The following STAU1 variants were observed in gnomAD, a reference collection of about 807,000 sequenced individuals.
STAU1 encodes double-stranded RNA-binding protein Staufen homolog 1.
Under a neutral mutation model 62.9 loss-of-function variants are expected in STAU1, and 13 were observed. The ratio of observed to expected loss-of-function variants is 0.21; its 90% CI spans 0.13 to 0.33. The LOEUF is 0.33. Among genes scored for constraint, STAU1 ranks in the 10% least tolerant of loss-of-function variants. The pLI is 1.00. For synonymous variants in STAU1, 269 were observed against 265.1 expected, an observed-to-expected ratio of 1.01 and a Z score of -0.14; for missense variants, 571 against 712.1, an observed-to-expected ratio of 0.80 and a Z score of 2.25.
At chr20:49,201,091 G>GA in the STAU1 span, among the ~76,000 whole-genome samples, 1 of 92,610 alleles carries the variant, frequency 1.1e-5, no homozygotes, top group Non-Finnish European at 2.4e-5. Context: ...AAGAAGAAAA[G>GA]AAAAGAAAAG....
At chr20:49,133,518 T>C (rs2092800574) in intron 6 of STAU1, among the ~76,000 whole-genome samples, 1 of 152,170 alleles carries the variant, frequency 6.6e-6, no homozygotes, top group South Asian at 2.1e-4. Flanking sequence ...GGAGACCTCA[T>C]GACTCCTTGG....
intron 1 of STAU1, 60 bp downstream of exon 1, chr20:49,188,056 C>G (rs989970929): frequency 2.0e-5 from 3 of 151,480 alleles, no homozygotes; most frequent in Admixed American, 2.0e-4. Flanking sequence ...CCGCCCACCT[C>G]CCCACCGCGG....
intron 3 of STAU1, among the ~76,000 whole-genome samples, chr20:49,162,773 CT>C (rs1250095471): frequency 1.5e-5 from 2 of 133,706 alleles, no homozygotes; most frequent in African/African-American, 2.8e-5. Context: ...GAGACTCCGT[CT>C]CAAAAAAAAA....
rs146279801 is a variant in STAU1 at position 49,184,496 on chromosome 20, C to T, written c.-160+3620G>A. On this transcript the variant is annotated intron_variant, in intron 1 of 13. Coordinates refer to ENST00000371856, the MANE Select transcript of STAU1 (RefSeq NM_017453.4). ...GGAAATCAAGAGTACCCAGAGAAAACCCATGCAGGGATAGGGAGAACGTGT... is the reference window on the plus strand; with the variant it reads ...GGAAATCAAGAGTACCCAGAGAAAATCCATGCAGGGATAGGGAGAACGTGT... Among the ~76,000 whole-genome samples the T allele has an allele frequency of 2.9e-4, 44 of 152,198 alleles. No individual in the cohort carries two copies. In the East Asian group the frequency reaches 5.8e-3, roughly 20 times the overall value.
chr20:49,114,024 G>A lies in STAU1; in HGVS notation c.*854C>T, dbSNP rs559542177. 6.6e-6 allele frequency: 1 copy of A among 152,548 alleles called. No homozygotes were observed. Among genetic ancestry groups the A allele is most frequent in the East Asian group, 1.9e-4 (1 of 5,188 alleles). 9.4% of individuals were successfully genotyped at this position (152,548 alleles called of 1,614,324 possible). On this transcript the variant is annotated 3_prime_UTR_variant, in exon 14 of 14. Coordinates refer to ENST00000371856, the MANE Select transcript of STAU1 (RefSeq NM_017453.4). ...TAAATTGTCCAATTTATACAACTGT[G>A]GGAGACTTATTCAAGGTTTTTGAAA... is the stretch of plus-strand genomic sequence containing the variant.
chr20:49,195,512 G>GGC, the STAU1 span, among the ~76,000 whole-genome samples: 5 of 115,738 alleles, frequency 4.3e-5, no homozygotes, highest in Non-Finnish European at 6.7e-5. Flanking sequence ...CTCCAGCCTG[G>GGC]GCGACAGAGC....
At position 49,117,270 on chromosome 20, in the gene STAU1, A is replaced by G. The variant is rs377122507; in HGVS notation, c.1510-22T>C. 201 of 1,613,366 alleles carry G rather than the reference A, an allele frequency of 1.2e-4. No homozygotes were observed. In the African/African-American group the frequency reaches 2.6e-3, roughly 21 times the overall value. ...CAACCTAAGGGGGAAAAGAGAGCTG[A>G]GGCTAGGTAGGGAACAGCAAGTATG... On this transcript the variant is annotated intron_variant, in intron 11 of 13. Transcript: ENST00000371856. The surrounding 1 kb of genome is among the most constrained non-coding windows in gnomAD (Gnocchi z 4.6).
the STAU1 span, among the ~76,000 whole-genome samples, chr20:49,207,746 G>A: frequency 1.3e-4 from 19 of 151,606 alleles, no homozygotes; most frequent in African/African-American, 4.6e-4. Context: ...GGTCTCAAAC[G>A]GCTGACCTCG....
At chr20:49,177,569 C>T (rs910661846) in intron 1 of STAU1, among the ~76,000 whole-genome samples, 1 of 151,984 alleles carries the variant, frequency 6.6e-6, no homozygotes, top group African/African-American at 2.4e-5. Context: ...GTCTCAGCTA[C>T]TCGGGAGGCT....
chr20:49,164,779 A>C (rs953254779), intron 3 of STAU1, among the ~76,000 whole-genome samples: 3 of 152,158 alleles, frequency 2.0e-5, no homozygotes, highest in African/African-American at 7.2e-5. Flanking sequence ...ACGAGAGATA[A>C]GAAAGGAAAG....
At chr20:49,179,486 G>T (rs953022661) in intron 1 of STAU1, among the ~76,000 whole-genome samples, 1 of 152,158 alleles carries the variant, frequency 6.6e-6, no homozygotes, top group Non-Finnish European at 1.5e-5. Flanking sequence ...TCTAGGTAAA[G>T]GGTCATGGAG....
At chr20:49,116,437 C>T (rs999195892) in intron 12 of STAU1, among the ~76,000 whole-genome samples, 6 of 152,172 alleles carry the variant, frequency 3.9e-5, no homozygotes, top group Admixed American at 3.9e-4. Context: ...CGGGTTCAAG[C>T]GATTCTCCTG....
rs778192711 is a variant in STAU1, at chr20:49,166,054, G to C, written c.148C>G (p.Pro50Ala). Residue 50 changes from proline (P) to alanine (A), a missense_variant, in exon 3 of 14, where the codon CCC (proline) becomes GCC (alanine). Pro to Ala is a conservative substitution (Grantham distance 27, BLOSUM62 -1). Coordinates refer to ENST00000371856, the MANE Select transcript of STAU1 (RefSeq NM_017453.4). ...GAGGGTAAAGCAGAGTTTTGAATGGGTCTACCTGCATTTTCAGAGGGCAGA... is the reference window on the plus strand; with the variant it reads ...GAGGGTAAAGCAGAGTTTTGAATGGCTCTACCTGCATTTTCAGAGGGCAGA... ...SSLPSENAGR[P>A]IQNSALPSAS... The C allele has an allele frequency of 7.4e-5, 119 of 1,614,062 alleles. No homozygotes were observed. The highest frequency in any genetic ancestry group is 1.3e-5 in the Non-Finnish European group (15 of 1,180,042).
rs1187220036 is a variant in STAU1 at position 49,114,100 on chromosome 20, A to C, written c.*778T>G. The C allele has an allele frequency of 2.6e-5, 4 of 152,614 alleles. No homozygotes were observed. Among genetic ancestry groups the C allele is most frequent in the Non-Finnish European group, 5.9e-5 (4 of 68,042 alleles). The allele number at this position is 152,614 out of a possible 1,614,324, so 9.5% of individuals were successfully genotyped here. A position where few individuals can be genotyped will look rare whatever the true frequency, so the allele number is the denominator to read the frequency against. On this transcript the variant is annotated 3_prime_UTR_variant, in exon 14 of 14. Transcript: ENST00000371856. ...GAGGGCACACAATTTGCATCACTGA[A>C]ACTGTCCTGGGTTAGTCAATGAAAT...
In STAU1 at chr20:49,153,926, C is replaced by T; in HGVS notation, c.344+7G>A. ...TTTTACAAAAAAAAAAAAAAAAAAA[C>T]ACATACCTCGGGGGATAAGCACCTC... is the stretch of plus-strand genomic sequence containing the variant. On this transcript the variant is annotated splice_region_variant and intron_variant, in intron 4 of 13. Transcript: ENST00000371856. 2.6e-6 allele frequency: 3 copies of T among 1,132,666 alleles called. No homozygotes were observed. Among genetic ancestry groups the T allele is most frequent in the Non-Finnish European group, 3.5e-6 (3 of 862,730 alleles). 70.2% of individuals were successfully genotyped at this position (1,132,666 alleles called of 1,614,324 possible). A position where few individuals can be genotyped will look rare whatever the true frequency, so the allele number is the denominator to read the frequency against.
At chr20:49,129,390 C>T (rs1031502633) in intron 6 of STAU1, among the ~76,000 whole-genome samples, 2 of 139,524 alleles carry the variant, frequency 1.4e-5, no homozygotes, top group Non-Finnish European at 1.5e-5. Context: ...TGGGTTCAAG[C>T]GTTTCTCCTC....
chr20:49,188,443 G>T (rs1452981423), upstream of STAU1: 1 of 120,006 alleles, frequency 8.3e-6, no homozygotes, highest in Non-Finnish European at 1.8e-5. Context: ...CCCCACCCAC[G>T]GTCCGAACCA....
At position 49,126,588 on chromosome 20, in the gene STAU1, C is replaced by CAAAAAAAAAAAACAA; in HGVS notation, c.610-2002_610-2001insTTGTTTTTTTTTTTT. 6.5e-3 allele frequency among the ~76,000 whole-genome samples: 364 copies of CAAAAAAAAAAAACAA among 56,324 alleles called. 5 individuals carry two copies. Among genetic ancestry groups the CAAAAAAAAAAAACAA allele is most frequent in the Non-Finnish European group, 0.011 (293 of 27,056 alleles). The allele number at this position is 56,324 out of a possible 152,430, so 37.0% of individuals were successfully genotyped here. A position where few individuals can be genotyped will look rare whatever the true frequency, so the allele number is the denominator to read the frequency against. ...GTCTCAAAAAGCAAAAAAAAAAAAA[C>CAAAAAAAAAAAACAA]AAAAAAAAAACAAAAAAACTTAAAA... On this transcript the variant is annotated intron_variant, in intron 6 of 13. Transcript: ENST00000371856.
At chr20:49,121,097 C>T (rs1182023550) in intron 8 of STAU1, among the ~76,000 whole-genome samples, 2 of 151,198 alleles carry the variant, frequency 1.3e-5, no homozygotes, top group African/African-American at 4.9e-5. Flanking sequence ...TTCATCTTAC[C>T]TATTAACATA....
Sources: allele counts gnomAD v4.1 joint callset (sites outside exome capture counted in the v4.1 genomes callset), GRCh38; gene constraint gnomAD v4.1.1; non-coding constraint Gnocchi (gnomAD v3.1); transcripts MANE v1.5; gene names NCBI Gene and HGNC (gene_info 2026-07-23, HGNC 2026-07-21).